Variants in WDR62 observed in about 807,000 individuals in gnomAD.
WDR62 encodes the protein WD repeat-containing protein 62.
A neutral mutation model predicts 160.6 loss-of-function variants in WDR62; 112 were observed. The ratio of observed to expected loss-of-function variants is 0.70; its 90% CI spans 0.60 to 0.82. The LOEUF (loss-of-function observed/expected upper bound fraction) is 0.82. WDR62 is among the 40% of genes least tolerant of loss of function. WDR62 has a pLI of 0.00. For missense variants in WDR62, 1,819 were observed against 1,983.8 expected (o/e 0.92, Z 1.58); for synonymous variants, 792 against 815.1 (o/e 0.97, Z 0.48).
At chr19:36,081,676 C>A (rs534252407) in intron 10 of WDR62, 106 bp downstream of exon 10, 5 of 1,524,800 alleles carry the variant, frequency 3.3e-6, no homozygotes, top group East Asian at 2.3e-5. Flanking sequence ...TGTTAGGTTC[C>A]ATGAGGGCAA....
intron 1 of WDR62, among the ~76,000 whole-genome samples, chr19:36,056,797 T>G (rs887122653): frequency 4.6e-5 from 7 of 151,888 alleles, no homozygotes; most frequent in Non-Finnish European, 8.8e-5. Flanking sequence ...GGTTATGAAC[T>G]TCGCTTTTTC....
At chr19:36,077,875 C>T (rs1298501494) in intron 9 of WDR62, among the ~76,000 whole-genome samples, 1 of 152,122 alleles carries the variant, frequency 6.6e-6, no homozygotes, top group East Asian at 1.9e-4. Context: ...GGATTACAGG[C>T]GTGAGCCACC....
chr19:36,084,152 C>T (rs1972066092), intron 11 of WDR62, among the ~76,000 whole-genome samples: 1 of 152,130 alleles, frequency 6.6e-6, no homozygotes, highest in African/African-American at 2.4e-5. Flanking sequence ...CACAAGGTGT[C>T]TGGAGTAAGA....
downstream of WDR62, among the ~76,000 whole-genome samples, chr19:36,108,033 G>T (rs1973744262): frequency 6.6e-6 from 1 of 152,008 alleles, no homozygotes; most frequent in Admixed American, 6.6e-5. Flanking sequence ...CTGGCACCCT[G>T]GGAGCTGTTA....
chr19:36,096,309 G>A lies in WDR62; in HGVS notation c.2468-718G>A, dbSNP rs552943574. ...TGTAGAGACAAGGTCTCACTGTGTT[G>A]CCCAGGCTGGTCTCAAACCCCTGGC... On this transcript the variant is annotated intron_variant, in intron 20 of 31. Coordinates refer to ENST00000401500, the MANE Select transcript of WDR62 (RefSeq NM_001083961.2). Among the ~76,000 whole-genome samples the A allele has an allele frequency of 4.6e-5, 7 of 152,170 alleles. No individual in the cohort carries two copies. The East Asian group carries it at 1.4e-3, about 29-fold the overall frequency.
At position 36,103,833 on chromosome 19, in the gene WDR62, C is replaced by T. The variant is rs778940951; in HGVS notation, c.4005C>T (p.Ser1335=). Reference sequence around the variant, plus strand: ...CAGCCCCTAGCCCTGTGGAAGAGAGCGCCCTGAGGCTCCACGGCTCTGCCT... The same window carrying T: ...CAGCCCCTAGCCCTGTGGAAGAGAGTGCCCTGAGGCTCCACGGCTCTGCCT... ...SFPAPSPVEE[S]ALRLHGSAFR... The change falls in exon 30 of 32, where the codon AGC becomes AGT. Residue 1335 remains serine, a synonymous_variant. Coordinates refer to ENST00000401500, the MANE Select transcript of WDR62 (RefSeq NM_001083961.2). 96 of 1,605,608 alleles carry T rather than the reference C, an allele frequency of 6.0e-5. No homozygotes were observed. Among genetic ancestry groups the T allele is most frequent in the African/African-American group, 2.3e-4 (17 of 74,914 alleles).
At chr19:36,073,596 C>T in intron 9 of WDR62, 65 bp downstream of exon 9, 1 of 1,328,810 alleles carries the variant, frequency 7.5e-7, no homozygotes, top group Non-Finnish European at 1.1e-6. Context: ...AGTTTGGGAA[C>T]CCATTCAGTA....
At chr19:36,068,135 C>T in intron 7 of WDR62, 125 bp downstream of exon 7, 4 of 1,204,878 alleles carry the variant, frequency 3.3e-6, no homozygotes, top group Non-Finnish European at 3.6e-6. Context: ...GACGCCCACT[C>T]TCTGAGCTTA....
rs564020504 is a variant in WDR62, at chr19:36,100,683, C to G, written c.2740-65C>G. 7 of 1,607,852 alleles carry G rather than the reference C, an allele frequency of 4.4e-6. No individual in the cohort carries two copies. The African/African-American group carries it at 6.7e-5, about 15-fold the overall frequency. On this transcript the variant is annotated intron_variant, in intron 22 of 31. Transcript: ENST00000401500. ...CAGCAGTGGGGCTGCTGGCATGGTT[C>G]CTGGCGCACTGTTGGTGGCCCCAGC...
chr19:36,082,590 A>G (rs1971962946), intron 10 of WDR62, among the ~76,000 whole-genome samples: 1 of 152,180 alleles, frequency 6.6e-6, no homozygotes, highest in African/African-American at 2.4e-5. Context: ...CCTGTGACAT[A>G]CATGCTGTTT....
intron 16 of WDR62, 114 bp from the exon 17 acceptor site, chr19:36,091,086 G>A (rs1305574460): frequency 1.0e-5 from 9 of 889,338 alleles, no homozygotes; most frequent in African/African-American, 1.6e-5. Flanking sequence ...GGGAGCTCCT[G>A]CCCTGCCAGA....
At chr19:36,073,118 A>C (rs990099472) in intron 8 of WDR62, among the ~76,000 whole-genome samples, 1 of 152,152 alleles carries the variant, frequency 6.6e-6, no homozygotes, top group Non-Finnish European at 1.5e-5. Context: ...CAAAAACTCA[A>C]TTGCTCTCGG....
At chr19:36,099,335 C>A in intron 21 of WDR62, 64 bp from the exon 22 acceptor site, 2 of 1,406,960 alleles carry the variant, frequency 1.4e-6, no homozygotes, top group Non-Finnish European at 2.0e-6. Context: ...TGTGAAATGT[C>A]CGTGTCGCTC....
At position 36,071,626 on chromosome 19, in the gene WDR62, G is replaced by A. The variant is rs753052712; in HGVS notation, c.953G>A (p.Arg318His). 3 of 1,614,074 alleles carry A rather than the reference G, an allele frequency of 1.9e-6. No individual in the cohort carries two copies. The highest frequency in any genetic ancestry group is 1.1e-5 in the South Asian group (1 of 91,096). Residue 318 changes from arginine (R) to histidine (H), a missense_variant, in exon 8 of 32, where the codon CGC (arginine) becomes CAC (histidine). Around this residue, in one of 3 missense-constraint regions of WDR62, gnomAD observed 934 missense variants for 1,157.2 expected, o/e 0.81. Transcript: ENST00000401500. ...TGTGGCTGCACAGATGGGATAGTCC[G>A]CATCTTCCAGGCCCATAGCCTGCAC... is the stretch of plus-strand genomic sequence containing the variant. ...IFCGCTDGIV[R>H]IFQAHSLHYL...
Position 36,091,249 on chromosome 19 carries a change from A to G in WDR62, c.2084A>G (p.Lys695Arg), listed in dbSNP as rs1377952411. Residue 695 changes from lysine (K) to arginine (R), a missense_variant, in exon 17 of 32, where the codon AAA becomes AGA. Coordinates refer to ENST00000401500, the MANE Select transcript of WDR62 (RefSeq NM_001083961.2). ...GTFLATSCSD[K>R]SISVIDFYSG... ...TTCCTGGCCACCAGCTGCTCTGACAAAAGCATCTCAGTGATTGACTTTTAC... is the reference window on the plus strand; with the variant it reads ...TTCCTGGCCACCAGCTGCTCTGACAGAAGCATCTCAGTGATTGACTTTTAC... 1.9e-6 allele frequency: 3 copies of G among 1,613,486 alleles called. No homozygotes were observed. The highest frequency in any genetic ancestry group is 1.1e-5 in the South Asian group (1 of 91,050).
chr19:36,099,558 C>T lies in WDR62; in HGVS notation c.2680C>T (p.Leu894=), dbSNP rs1231238299. The T allele has an allele frequency of 6.2e-7, 1 of 1,614,098 alleles. No individual in the cohort carries two copies. The highest frequency in any genetic ancestry group is 8.5e-7 in the Non-Finnish European group (1 of 1,180,050). Residue 894 remains leucine (L), a synonymous_variant, in exon 22 of 32, where the codon CTG becomes TTG. Transcript: ENST00000401500. ...CTTTACCCCCATGAAGCCCGAGAGTCTGGAGAACTCCATTCTGGATTCACT... is the reference window on the plus strand; with the variant it reads ...CTTTACCCCCATGAAGCCCGAGAGTTTGGAGAACTCCATTCTGGATTCACT... ...CYFTPMKPES[L]ENSILDSLEP...
Position 36,104,621 on chromosome 19 carries a change from C to T in WDR62, c.4257C>T (p.Asn1419=). 6.2e-7 allele frequency: 1 copy of T among 1,614,080 alleles called. No individual in the cohort carries two copies. Among genetic ancestry groups the T allele is most frequent in the Non-Finnish European group, 8.5e-7 (1 of 1,180,032 alleles). Residue 1419 remains asparagine, a synonymous_variant, in exon 31 of 32, where the codon AAC becomes AAT. Transcript: ENST00000401500. The stretch of plus-strand genomic sequence containing the variant: ...CCCTTGAGCTGAGCAGGGTGGGGAA[C>T]ATCTTGCACAGGCTGCAGACCACCT... ...PSPLELSRVG[N]ILHRLQTTFQ...
intron 1 of WDR62, among the ~76,000 whole-genome samples, chr19:36,057,593 C>T (rs1970434724): frequency 6.6e-6 from 1 of 151,892 alleles, no homozygotes; most frequent in Non-Finnish European, 1.5e-5. Flanking sequence ...CAGCTCACTG[C>T]AACCTCCGCC....
chr19:36,058,747 T>A, intron 1 of WDR62, 33 bp from the exon 2 acceptor site: 2 of 1,582,226 alleles, frequency 1.3e-6, no homozygotes, highest in South Asian at 1.1e-5. Context: ...CTGGCTAGGG[T>A]GGGTGCCTCT....
Sources: allele counts gnomAD v4.1 joint callset (sites outside exome capture counted in the v4.1 genomes callset), GRCh38; gene constraint gnomAD v4.1.1; regional missense constraint gnomAD v4.1.1; transcripts MANE v1.5; gene names NCBI Gene and HGNC (gene_info 2026-07-23, HGNC 2026-07-21).